OSBPL1A: variants seen among roughly 807,000 people sequenced by gnomAD.
OSBPL1A encodes the protein oxysterol-binding protein-related protein 1.
Under a neutral mutation model 137.1 loss-of-function variants are expected in OSBPL1A, and 80 were observed. The observed-to-expected ratio is 0.58, with a 90% CI of 0.49 to 0.70. The LOEUF is 0.70. Ranked by LOEUF, OSBPL1A falls within the 30% of genes least tolerant of loss-of-function variation. The pLI is 0.00. For synonymous variants in OSBPL1A, 365 were observed against 389.7 expected (o/e 0.94, Z 0.75); for missense variants, 970 against 1,129.4 (o/e 0.86, Z 2.02).
At chr18:24,348,081 G>C (rs145244989) in intron 4 of OSBPL1A, among the ~76,000 whole-genome samples, 1 of 152,212 alleles carries the variant, frequency 6.6e-6, no homozygotes, top group East Asian at 1.9e-4. Context: ...GAAAGGGTAA[G>C]TTTGAATCCA....
intron 14 of OSBPL1A, among the ~76,000 whole-genome samples, chr18:24,287,059 C>T (rs1166815838): frequency 6.6e-6 from 1 of 152,220 alleles, no homozygotes; most frequent in Admixed American, 6.5e-5. Context: ...GAGTACAAGT[C>T]ACAAAGACCT....
chr18:24,204,294 T>C (rs1178141857), intron 17 of OSBPL1A, among the ~76,000 whole-genome samples: 2 of 152,202 alleles, frequency 1.3e-5, no homozygotes, highest in Non-Finnish European at 2.9e-5. Flanking sequence ...ACTAGTGAGT[T>C]AGAACATTTT....
At chr18:24,209,466 G>C (rs113011423) in intron 17 of OSBPL1A, among the ~76,000 whole-genome samples, 28 of 152,280 alleles carry the variant, frequency 1.8e-4, no homozygotes, top group African/African-American at 6.5e-4. Context: ...ACATATTCAG[G>C]AAACAGTACA....
intron 21 of OSBPL1A, 35 bp from the exon 22 acceptor site, chr18:24,172,518 AGAGG>A: frequency 2.1e-6 from 3 of 1,457,694 alleles, no homozygotes; most frequent in Non-Finnish European, 2.9e-6. Context: ...AGCATAAGTG[AGAGG>A]TATCACTTTG....
intron 13 of OSBPL1A, among the ~76,000 whole-genome samples, chr18:24,310,432 C>CAAAAAAAAA (rs3039412): frequency 5.7e-4 from 51 of 89,666 alleles, no homozygotes; most frequent in Non-Finnish European, 6.9e-4. Context: ...ACTAAAAATA[C>CAAAAAAAAA]AAAAAAAAAA....
intron 17 of OSBPL1A, among the ~76,000 whole-genome samples, chr18:24,202,404 T>G (rs2087246766): frequency 6.6e-6 from 1 of 152,252 alleles, no homozygotes; most frequent in East Asian, 1.9e-4. Flanking sequence ...CATACTAAGA[T>G]AAAAACACTC....
intron 14 of OSBPL1A, among the ~76,000 whole-genome samples, chr18:24,292,047 T>C (rs959530810): frequency 3.3e-5 from 5 of 152,172 alleles, no homozygotes; most frequent in Non-Finnish European, 5.9e-5. Flanking sequence ...ATTGCGCCAC[T>C]GTACTCCAGC....
chr18:24,215,140 G>A (rs909702715), intron 17 of OSBPL1A, among the ~76,000 whole-genome samples: 3 of 152,144 alleles, frequency 2.0e-5, no homozygotes, highest in African/African-American at 7.2e-5. Context: ...TTTCCTTTTG[G>A]ATTGCTCTGA....
intron 14 of OSBPL1A, among the ~76,000 whole-genome samples, chr18:24,300,109 T>G (rs1405742568): frequency 6.6e-6 from 1 of 152,190 alleles, no homozygotes; most frequent in Non-Finnish European, 1.5e-5. Context: ...TAGTAAAAAT[T>G]TCAATACTAC....
At chr18:24,211,817 G>A (rs1481941570) in intron 17 of OSBPL1A, among the ~76,000 whole-genome samples, 1 of 151,878 alleles carries the variant, frequency 6.6e-6, no homozygotes, top group Non-Finnish European at 1.5e-5. Flanking sequence ...ACACAAATTA[G>A]CTGGGTGTGG....
In OSBPL1A at chr18:24,267,844, C is replaced by CT. The variant is rs576043512; in HGVS notation, c.1281+12997dup. Among the ~76,000 whole-genome samples the CT allele has an allele frequency of 1.2e-3, 175 of 142,022 alleles. 1 individual carries two copies. The highest frequency in any genetic ancestry group is 4.3e-3 in the South Asian group (19 of 4,424). The allele number at this position is 142,022 out of a possible 152,430, so 93.2% of individuals were successfully genotyped here. A position where few individuals can be genotyped will look rare whatever the true frequency, so the allele number is the denominator to read the frequency against. ...GAATCATTAGAAGTTAGAGGTATGCCTTTTTTTTTTTTTTTAAATCAGGGA... is the reference window on the plus strand; with the variant it reads ...GAATCATTAGAAGTTAGAGGTATGCCTTTTTTTTTTTTTTTTAAATCAGGGA... On this transcript the variant is annotated intron_variant, in intron 15 of 27. Transcript: ENST00000319481.
At chr18:24,237,373 C>T (rs1194201087) in intron 16 of OSBPL1A, among the ~76,000 whole-genome samples, 1 of 152,164 alleles carries the variant, frequency 6.6e-6, no homozygotes, top group Non-Finnish European at 1.5e-5. Context: ...GGCACCATTA[C>T]AGCTCACTGC....
At chr18:24,203,592 A>G (rs2087283027) in intron 17 of OSBPL1A, among the ~76,000 whole-genome samples, 2 of 152,108 alleles carry the variant, frequency 1.3e-5, no homozygotes, top group Non-Finnish European at 2.9e-5. Context: ...TTTTATTTTT[A>G]ATGTAGTCTT....
rs1426860005 is a variant in OSBPL1A, at chr18:24,324,785, TA to T, written c.626-5977del. On this transcript the variant is annotated intron_variant, in intron 7 of 27. Coordinates refer to ENST00000319481, the MANE Select transcript of OSBPL1A (RefSeq NM_080597.4). ...GGCGACAGAGCGAGACTCTGTCTAT[TA>T]AAAAAAAAAAAAAAAAAGAGGCCAG... Among the ~76,000 whole-genome samples the T allele has an allele frequency of 5.3e-3, 500 of 95,038 alleles. 1 individual carries two copies. Among genetic ancestry groups the T allele is most frequent in the Middle Eastern group, 0.011 (1 of 88 alleles). 62.3% of individuals were successfully genotyped at this position (95,038 alleles called of 152,430 possible).
chr18:24,301,905 T>C (rs2090407812), intron 14 of OSBPL1A, among the ~76,000 whole-genome samples: 1 of 152,106 alleles, frequency 6.6e-6, no homozygotes, highest in African/African-American at 2.4e-5. Flanking sequence ...AATCTTGGAG[T>C]TGACTAAAGG....
chr18:24,291,385 G>A (rs1339672419), intron 14 of OSBPL1A, among the ~76,000 whole-genome samples: 1 of 152,026 alleles, frequency 6.6e-6, no homozygotes, highest in Non-Finnish European at 1.5e-5. Context: ...AAAGTAGAAA[G>A]TCAAAAGATT....
At position 24,283,965 on chromosome 18, in the gene OSBPL1A, T is replaced by C. The variant is rs564031141; in HGVS notation, c.1175-3017A>G. Among the ~76,000 whole-genome samples, 17 of 150,642 alleles carry C rather than the reference T, an allele frequency of 1.1e-4. No homozygotes were observed. The South Asian group carries it at 3.5e-3, about 31-fold the overall frequency. On this transcript the variant is annotated intron_variant, in intron 14 of 27. Transcript: ENST00000319481. ...TTCCAAATATATATATATGTGTGTG[T>C]ATATATATATATAAAGAAGTTTTCA...
At chr18:24,225,912 G>A (rs1330168823) in intron 16 of OSBPL1A, among the ~76,000 whole-genome samples, 1 of 152,214 alleles carries the variant, frequency 6.6e-6, no homozygotes, top group Non-Finnish European at 1.5e-5. Context: ...TTGAGAGACT[G>A]CAGTGAGCTA....
At chr18:24,366,715 C>A in intron 4 of OSBPL1A, 177 bp downstream of exon 4, 1 of 510,728 alleles carries the variant, frequency 2.0e-6, no homozygotes, top group African/African-American at 2.0e-5. Flanking sequence ...GACCTTAGTA[C>A]TGGACCTCAC....
Sources: allele counts gnomAD v4.1 joint callset (sites outside exome capture counted in the v4.1 genomes callset), GRCh38; gene constraint gnomAD v4.1.1; transcripts MANE v1.5; gene names NCBI Gene and HGNC (gene_info 2026-07-23, HGNC 2026-07-21).